The following RIMS1 variants were observed in gnomAD, a reference collection of about 807,000 sequenced individuals.
RIMS1 encodes the protein regulating synaptic membrane exocytosis 1, also known as regulating synaptic membrane exocytosis protein 1.
In RIMS1, 83 loss-of-function variants were observed where a neutral mutation model predicts 214.1. The observed-to-expected ratio is 0.39, with a 90% CI of 0.32 to 0.47. RIMS1 has a LOEUF of 0.47. RIMS1 is among the 20% of genes least tolerant of loss of function. The probability of loss-of-function intolerance (pLI) is 0.99; values close to 1 mark genes in which losing one functional copy is unlikely to be tolerated. For missense variants in RIMS1, 2,050 were observed against 2,161.8 expected, an observed-to-expected ratio of 0.95 and a Z score of 1.03; for synonymous variants, 793 against 786.8, an observed-to-expected ratio of 1.01 and a Z score of -0.13.
chr6:71,946,249 A>G (rs1787776683), intron 1 of RIMS1, among the ~76,000 whole-genome samples: 2 of 152,246 alleles, frequency 1.3e-5, no homozygotes, highest in Admixed American at 6.5e-5. Flanking sequence ...CAAAATTCCA[A>G]TGACATTTTT....
chr6:72,148,877 T>C (rs2043117694), intron 4 of RIMS1, among the ~76,000 whole-genome samples: 1 of 152,036 alleles, frequency 6.6e-6, no homozygotes, highest in Admixed American at 6.6e-5. Flanking sequence ...CTCTGTTGCT[T>C]CCCTATCATA....
chr6:71,965,712 G>T (rs916060532), intron 1 of RIMS1, among the ~76,000 whole-genome samples: 1 of 152,210 alleles, frequency 6.6e-6, no homozygotes, highest in Non-Finnish European at 1.5e-5. Context: ...CTCACATGCA[G>T]TTAGAAGACT....
chr6:72,341,761 T>C (rs2097101504), intron 29 of RIMS1, among the ~76,000 whole-genome samples: 1 of 151,814 alleles, frequency 6.6e-6, no homozygotes, highest in Non-Finnish European at 1.5e-5. Context: ...GGGAGACAAA[T>C]TGGTCAAGGA....
chr6:72,184,883 C>T (rs901302421), intron 6 of RIMS1, among the ~76,000 whole-genome samples: 9 of 152,118 alleles, frequency 5.9e-5, no homozygotes, highest in Non-Finnish European at 1.3e-4. Flanking sequence ...TAAGGGCTGC[C>T]TCTATGTATA....
chr6:72,393,204 C>T (rs1254063360), intron 31 of RIMS1, among the ~76,000 whole-genome samples: 1 of 151,606 alleles, frequency 6.6e-6, no homozygotes, highest in Non-Finnish European at 1.5e-5. Flanking sequence ...GTATTTTAGA[C>T]TCAACTATAA....
chr6:72,033,607 G>T (rs1048287763), intron 2 of RIMS1, among the ~76,000 whole-genome samples: 1 of 151,730 alleles, frequency 6.6e-6, no homozygotes, highest in Non-Finnish European at 1.5e-5. Flanking sequence ...TCAGCCTCCC[G>T]AGTAGCTGGA....
intron 31 of RIMS1, among the ~76,000 whole-genome samples, chr6:72,393,544 GAAACCCCC>G (rs2098735296): frequency 6.6e-6 from 1 of 152,080 alleles, no homozygotes; most frequent in Admixed American, 6.5e-5. Flanking sequence ...CTAACACGGT[GAAACCCCC>G]GTCTCTACTA....
intron 24 of RIMS1, among the ~76,000 whole-genome samples, chr6:72,285,904 A>G (rs2092138482): frequency 6.6e-6 from 1 of 152,166 alleles, no homozygotes; most frequent in African/African-American, 2.4e-5. Context: ...ATTTTTTAAA[A>G]ATACTAGTTG....
At chr6:72,222,279 T>A (rs2058705073) in intron 6 of RIMS1, among the ~76,000 whole-genome samples, 1 of 152,082 alleles carries the variant, frequency 6.6e-6, no homozygotes, top group Non-Finnish European at 1.5e-5. Context: ...TCTAAAAAGA[T>A]AGTTTTGTTC....
rs758917677 is a variant in RIMS1 at position 72,182,332 on chromosome 6, G to A, written c.861G>A (p.Lys287=). 2.3e-5 allele frequency: 37 copies of A among 1,612,106 alleles called. No homozygotes were observed. The South Asian group carries it at 2.3e-4, about 10-fold the overall frequency. ...LSEQNGKGAL[K]SERKRVPKTS... is the part of the protein sequence containing the mutation. ...AGCAGAATGGCAAAGGAGCCCTGAA[G>A]AGCGAGCGGAAACGCGTGCCAAAGA... Residue 287 remains lysine, a synonymous_variant, in exon 6 of 34, where the codon AAG becomes AAA. Transcript: ENST00000521978.
At chr6:72,284,646 C>T (rs2091639850) in intron 24 of RIMS1, among the ~76,000 whole-genome samples, 1 of 151,252 alleles carries the variant, frequency 6.6e-6, no homozygotes. Context: ...TGTCCAATTC[C>T]ACAAAGGTTT....
chr6:71,897,680 A>G (rs896398350), intron 1 of RIMS1, among the ~76,000 whole-genome samples: 11 of 152,138 alleles, frequency 7.2e-5, no homozygotes, highest in Non-Finnish European at 1.0e-4. Flanking sequence ...TGATTTTTCT[A>G]TAACCTCTTT....
intron 2 of RIMS1, among the ~76,000 whole-genome samples, chr6:71,989,290 C>G (rs928451259): frequency 6.6e-6 from 1 of 152,162 alleles, no homozygotes; most frequent in African/African-American, 2.4e-5. Context: ...TATTTGCTAA[C>G]TGTTATTTTC....
At chr6:72,112,090 T>C (rs186602340) in intron 4 of RIMS1, among the ~76,000 whole-genome samples, 17 of 152,306 alleles carry the variant, frequency 1.1e-4, no homozygotes, top group Non-Finnish European at 1.5e-5. Flanking sequence ...TTCTTCACTG[T>C]AGCAAATGAC....
rs778565332 is a variant in RIMS1, at chr6:71,886,975, G to A, written c.-49G>A. On this transcript the variant is annotated 5_prime_UTR_variant, in exon 1 of 34. Coordinates refer to ENST00000521978, the MANE Select transcript of RIMS1 (RefSeq NM_014989.7). ...GGGCGCAGCTGCTGGGCGTGCATCC[G>A]AAAGGTGAGAGCCAGAGAGCGAGCA... 1.3e-6 allele frequency: 2 copies of A among 1,592,480 alleles called. No homozygotes were observed. The highest frequency in any genetic ancestry group is 1.1e-5 in the South Asian group (1 of 88,142).
intron 18 of RIMS1, among the ~76,000 whole-genome samples, chr6:72,259,544 A>G (rs1213838119): frequency 6.6e-6 from 1 of 152,178 alleles, no homozygotes; most frequent in African/African-American, 2.4e-5. Context: ...CAGAGTTTCT[A>G]TGAGAACTTC....
chr6:71,910,082 A>G (rs2150577759), intron 1 of RIMS1, among the ~76,000 whole-genome samples: 1 of 152,248 alleles, frequency 6.6e-6, no homozygotes. Context: ...GTGGCAAATA[A>G]CTTTTCAGTA....
intron 4 of RIMS1, among the ~76,000 whole-genome samples, chr6:72,143,450 C>T (rs1437685458): frequency 6.6e-6 from 1 of 152,070 alleles, no homozygotes; most frequent in African/African-American, 2.4e-5. Flanking sequence ...AATGTCTCAA[C>T]CTATGGCCTT....
At chr6:71,945,416 G>T (rs1298816443) in intron 1 of RIMS1, among the ~76,000 whole-genome samples, 2 of 152,136 alleles carry the variant, frequency 1.3e-5, no homozygotes, top group African/African-American at 2.4e-5. Flanking sequence ...GTTTGCCTGT[G>T]TGTCCCTTTC....
Sources: gnomAD v4.1 joint callset for allele counts (sites outside exome capture counted in the v4.1 genomes callset) on GRCh38, gnomAD v4.1.1 for gene constraint, MANE v1.5 for transcripts, NCBI Gene and HGNC (gene_info 2026-07-23, HGNC 2026-07-21) for gene names.